SKIC2: variants seen among roughly 807,000 people sequenced by gnomAD.
The protein encoded by SKIC2 is superkiller complex protein 2.
At chr6:31,962,692 A>T in the SKIC2 span, 3 of 1,610,596 alleles carry the variant, frequency 1.9e-6, no homozygotes, top group African/African-American at 4.0e-5. The surrounding 1 kb of genome is among the most constrained non-coding windows in gnomAD (Gnocchi z 5.0). Flanking sequence ...TGGGGAGTCA[A>T]TCCTTGGCCT....
chr6:31,967,787 C>T, the SKIC2 span: 1 of 1,613,020 alleles, frequency 6.2e-7, no homozygotes, highest in Non-Finnish European at 8.5e-7. The surrounding 1 kb of genome is among the most constrained non-coding windows in gnomAD (Gnocchi z 4.9). Context: ...CCAGGACCCA[C>T]AGGACAGGGG....
the SKIC2 span, chr6:31,966,142 C>G: frequency 1.5e-6 from 1 of 667,046 alleles, no homozygotes; most frequent in Non-Finnish European, 2.5e-6. The surrounding 1 kb of genome is among the most constrained non-coding windows in gnomAD (Gnocchi z 5.9). Flanking sequence ...GTTACCTAGG[C>G]TGGAGTGCAG....
chr6:31,964,392 A>C, the SKIC2 span: 1 of 1,441,372 alleles, frequency 6.9e-7, no homozygotes, highest in Non-Finnish European at 9.7e-7. The surrounding 1 kb of genome is among the most constrained non-coding windows in gnomAD (Gnocchi z 5.0). Flanking sequence ...TTGCCCACTT[A>C]GGGGCTGCCC....
chr6:31,962,203 A>G, the SKIC2 span: 1 of 962,070 alleles, frequency 1.0e-6, no homozygotes, highest in Non-Finnish European at 1.6e-6. This position sits in a 1 kb window ranked among gnomAD's most constrained non-coding sequence, Gnocchi z 5.0. Flanking sequence ...CCCAGAGAGA[A>G]ATGAAAAGAC....
At chr6:31,959,482 C>A in the SKIC2 span, 1 of 980,904 alleles carries the variant, frequency 1.0e-6, no homozygotes, top group Admixed American at 1.7e-5. Context: ...TCTAGCTTAA[C>A]CTTGTTCATC....
the SKIC2 span, chr6:31,961,489 G>A: frequency 6.5e-7 from 1 of 1,547,506 alleles, no homozygotes; most frequent in Non-Finnish European, 8.7e-7. Flanking sequence ...TTTGGGAGGA[G>A]TGCTAATTGA....
At chr6:31,966,653 G>T in the SKIC2 span, 1 of 1,597,348 alleles carries the variant, frequency 6.3e-7, no homozygotes, top group Non-Finnish European at 8.6e-7. This position sits in a 1 kb window ranked among gnomAD's most constrained non-coding sequence, Gnocchi z 5.9. Flanking sequence ...CAGAAGACTG[G>T]CTGGGGTTCA....
the SKIC2 span, chr6:31,968,498 A>G: frequency 1.2e-6 from 2 of 1,612,954 alleles, no homozygotes; most frequent in East Asian, 2.2e-5. The surrounding 1 kb of genome is among the most constrained non-coding windows in gnomAD (Gnocchi z 6.1). Context: ...GAGCTGATCC[A>G]GGGGGCTCAG....
the SKIC2 span, chr6:31,963,662 A>G: frequency 1.9e-6 from 3 of 1,554,610 alleles, no homozygotes; most frequent in East Asian, 2.2e-5. The surrounding 1 kb of genome is among the most constrained non-coding windows in gnomAD (Gnocchi z 5.3). Context: ...GGAGGCCAAG[A>G]AGGAGAGAAT....
the SKIC2 span, chr6:31,969,489 C>T: frequency 6.2e-7 from 1 of 1,612,296 alleles, no homozygotes; most frequent in African/African-American, 1.3e-5. The surrounding 1 kb of genome is among the most constrained non-coding windows in gnomAD (Gnocchi z 6.1). Context: ...TGAGTGCATC[C>T]AGTCCTCACC....
chr6:31,962,347 T>A, the SKIC2 span: 1 of 1,389,898 alleles, frequency 7.2e-7, no homozygotes, highest in Non-Finnish European at 1.0e-6. The surrounding 1 kb of genome is among the most constrained non-coding windows in gnomAD (Gnocchi z 5.0). Context: ...CCTGAGCTTC[T>A]GGGGCATGCT....
chr6:31,961,925 A>G, the SKIC2 span: 1 of 1,613,076 alleles, frequency 6.2e-7, no homozygotes. Context: ...TTTGAGCCAG[A>G]TGTGTTTCAG....
the SKIC2 span, chr6:31,968,925 C>A: frequency 1.9e-6 from 3 of 1,612,932 alleles, no homozygotes; most frequent in Non-Finnish European, 2.5e-6. The surrounding 1 kb of genome is among the most constrained non-coding windows in gnomAD (Gnocchi z 6.1). Context: ...GCTGGCAGGG[C>A]GGGTGGCTTG....
the SKIC2 span, chr6:31,968,277 C>A: frequency 6.5e-7 from 1 of 1,526,722 alleles, no homozygotes; most frequent in South Asian, 1.1e-5. This position sits in a 1 kb window ranked among gnomAD's most constrained non-coding sequence, Gnocchi z 6.1. Context: ...AGGGAGGCTT[C>A]TGGGGGAGAG....
chr6:31,963,807 G>T, the SKIC2 span: 1 of 1,506,140 alleles, frequency 6.6e-7, no homozygotes, highest in Non-Finnish European at 9.1e-7. This position sits in a 1 kb window ranked among gnomAD's most constrained non-coding sequence, Gnocchi z 5.3. Context: ...TTGTCCCCCA[G>T]GGGTTTTGAC....
chr6:31,964,153 C>T, the SKIC2 span: 16 of 1,609,658 alleles, frequency 9.9e-6, no homozygotes, highest in Admixed American at 1.7e-5. The surrounding 1 kb of genome is among the most constrained non-coding windows in gnomAD (Gnocchi z 5.0). Context: ...TGTGTGCGTG[C>T]ATGCACACAT....
chr6:31,962,830 G>A, the SKIC2 span: 5 of 1,519,064 alleles, frequency 3.3e-6, no homozygotes, highest in South Asian at 5.6e-5. The surrounding 1 kb of genome is among the most constrained non-coding windows in gnomAD (Gnocchi z 5.0). Context: ...GAACCCGGCA[G>A]TCCTCTCCTT....
the SKIC2 span, chr6:31,967,469 A>G: frequency 2.0e-6 from 2 of 1,000,358 alleles, no homozygotes; most frequent in Admixed American, 1.9e-5. This position sits in a 1 kb window ranked among gnomAD's most constrained non-coding sequence, Gnocchi z 4.9. Context: ...TTGCGTCATC[A>G]TAGGGCCCTC....
chr6:31,961,386 G>A, the SKIC2 span: 2 of 1,548,186 alleles, frequency 1.3e-6, no homozygotes, highest in Non-Finnish European at 1.7e-6. Context: ...TAGTGTTGAA[G>A]GTTGGTGGTT....
Sources: allele counts gnomAD v4.1 joint callset, GRCh38; gene constraint gnomAD v4.1.1; non-coding constraint Gnocchi (gnomAD v3.1); transcripts MANE v1.5; gene names NCBI Gene and HGNC (gene_info 2026-07-23, HGNC 2026-07-21).